The following HIPK2 variants were observed in gnomAD, a reference collection of about 807,000 sequenced individuals.
HIPK2 encodes homeodomain-interacting protein kinase 2.
A neutral mutation model predicts 113.7 loss-of-function variants in HIPK2; 27 were observed. The ratio of observed to expected loss-of-function variants is 0.24; its 90% CI spans 0.17 to 0.33. HIPK2 has a LOEUF of 0.33. Among genes scored for constraint, HIPK2 ranks in the 10% least tolerant of loss-of-function variants. The pLI, the probability that HIPK2 is intolerant of heterozygous loss-of-function variation, is 1.00. For missense variants in HIPK2, 1,257 were observed against 1,588.0 expected, an observed-to-expected ratio of 0.79 and a Z score of 3.54; for synonymous variants, 631 against 642.2, an observed-to-expected ratio of 0.98 and a Z score of 0.26.
chr7:139,747,630 T>G (rs1796211333), intron 1 of HIPK2, among the ~76,000 whole-genome samples: 1 of 152,228 alleles, frequency 6.6e-6, no homozygotes, highest in Non-Finnish European at 1.5e-5. Flanking sequence ...ACTTCACTTT[T>G]ACTCCCACCT....
rs1798327190 is a variant in HIPK2, at chr7:139,572,763, TGC to T, written c.*162_*163del. 2.4e-5 allele frequency: 1 copy of T among 42,148 alleles called. No homozygotes were observed. The highest frequency in any genetic ancestry group is 3.6e-4 in the African/African-American group (1 of 2,796). 2.6% of individuals were successfully genotyped at this position (42,148 alleles called of 1,614,324 possible). ...TGTCCCGACCCGTCCCCCTGCCCTC[TGC>T]CCCCCCCCCCCCCCCCGCCCCTGCC... On this transcript the variant is annotated 3_prime_UTR_variant, in exon 15 of 15. Transcript: ENST00000406875.
chr7:139,638,815 G>A (rs1283308868), intron 2 of HIPK2, among the ~76,000 whole-genome samples: 1 of 151,896 alleles, frequency 6.6e-6, no homozygotes, highest in Admixed American at 6.6e-5. Context: ...CCACCACCAT[G>A]CCCGGCTAAT....
Position 139,613,143 on chromosome 7 carries a change from G to A in HIPK2, c.2112+59C>T. The A allele has an allele frequency of 6.3e-7, 1 of 1,597,252 alleles. No individual in the cohort carries two copies. Among genetic ancestry groups the A allele is most frequent in the Non-Finnish European group, 8.6e-7 (1 of 1,169,368 alleles). ...GAGGGAGTGGAGATATATATCTTTT[G>A]TGAACAACATTAACACAGGTAATGG... On this transcript the variant is annotated intron_variant, in intron 9 of 14. Transcript: ENST00000406875. This position sits in a 1 kb window ranked among gnomAD's most constrained non-coding sequence, Gnocchi z 4.2.
intron 7 of HIPK2, among the ~76,000 whole-genome samples, chr7:139,619,787 G>A (rs193188239): frequency 6.6e-6 from 1 of 151,946 alleles, no homozygotes; most frequent in Non-Finnish European, 1.5e-5. Flanking sequence ...TTGAGACGGG[G>A]TCTCACTCTG....
At chr7:139,660,250 T>C (rs1444930901) in intron 2 of HIPK2, among the ~76,000 whole-genome samples, 1 of 152,194 alleles carries the variant, frequency 6.6e-6, no homozygotes, top group Non-Finnish European at 1.5e-5. Context: ...GGGTTTCAAA[T>C]AGAACACAGT....
chr7:139,713,034 C>T (rs1477328389), intron 2 of HIPK2, among the ~76,000 whole-genome samples: 4 of 152,130 alleles, frequency 2.6e-5, no homozygotes, highest in African/African-American at 7.2e-5. Context: ...GAGAAAGAGG[C>T]CTTCTTGCTC....
At chr7:139,682,494 G>A (rs769891668) in intron 2 of HIPK2, among the ~76,000 whole-genome samples, 4 of 152,122 alleles carry the variant, frequency 2.6e-5, no homozygotes, top group Admixed American at 1.3e-4. Flanking sequence ...CACCTCTTAC[G>A]GGAAGCTTTC....
intron 9 of HIPK2, among the ~76,000 whole-genome samples, chr7:139,608,252 CGT>C (rs55989071): frequency 0.04 from 5,531 of 136,920 alleles, 153 homozygotes; most frequent in African/African-American, 0.087. Flanking sequence ...CAAAAAAATA[CGT>C]GTGTGTGTGT....
chr7:139,671,395 C>T (rs1380849031), intron 2 of HIPK2, among the ~76,000 whole-genome samples: 1 of 152,160 alleles, frequency 6.6e-6, no homozygotes, highest in Non-Finnish European at 1.5e-5. Flanking sequence ...TCTAGCGTGA[C>T]ATTTTTTCTA....
intron 2 of HIPK2, among the ~76,000 whole-genome samples, chr7:139,712,081 G>C (rs1325404202): frequency 2.6e-5 from 4 of 152,206 alleles, no homozygotes; most frequent in Admixed American, 6.5e-5. Context: ...CCTGTGCACA[G>C]TAAAGCCTGA....
Position 139,561,817 on chromosome 7 carries a change from A to ATAT in HIPK2, c.*11107_*11109dup, listed in dbSNP as rs1338502601. On this transcript the variant is annotated 3_prime_UTR_variant, in exon 15 of 15. Transcript: ENST00000406875. Reference sequence around the variant, plus strand: ...ACAATTAAAATAACTATATTCTTCTATATTTTTTCTGTTAAAATCATCTCA... The same window carrying ATAT: ...ACAATTAAAATAACTATATTCTTCTATATTATTTTTTCTGTTAAAATCATCTCA... 1 of 150,004 alleles carries ATAT rather than the reference A, an allele frequency of 6.7e-6. No homozygotes were observed. Among genetic ancestry groups the ATAT allele is most frequent in the Non-Finnish European group, 1.5e-5 (1 of 67,602 alleles). The allele number at this position is 150,004 out of a possible 1,614,324, so 9.3% of individuals were successfully genotyped here.
At chr7:139,726,309 A>G (rs543480161) in intron 1 of HIPK2, among the ~76,000 whole-genome samples, 10 of 152,244 alleles carry the variant, frequency 6.6e-5, no homozygotes, top group African/African-American at 2.2e-4. Flanking sequence ...GGACTAAGGA[A>G]CTGCCTGAGA....
intron 13 of HIPK2, among the ~76,000 whole-genome samples, chr7:139,581,747 A>G (rs1250330514): frequency 5.3e-5 from 8 of 152,172 alleles, no homozygotes. Context: ...TTCTACAGCT[A>G]AAGGTGTGTA....
chr7:139,572,449 A>C lies in HIPK2; in HGVS notation c.*478T>G, dbSNP rs532229669. On this transcript the variant is annotated 3_prime_UTR_variant, in exon 15 of 15. Transcript: ENST00000406875. ...TTCCATATCAGGTGTCCCTGACAGC[A>C]GTCTTCCGTATCACTTGCTGCCATA... The C allele has an allele frequency of 6.5e-6, 1 of 153,532 alleles. No homozygotes were observed. The highest frequency in any genetic ancestry group is 2.1e-4 in the South Asian group (1 of 4,840). The allele number at this position is 153,532 out of a possible 1,614,324, so 9.5% of individuals were successfully genotyped here.
At chr7:139,589,157 T>G (rs1798934506) in intron 12 of HIPK2, among the ~76,000 whole-genome samples, 1 of 152,200 alleles carries the variant, frequency 6.6e-6, no homozygotes, top group African/African-American at 2.4e-5. Flanking sequence ...CTGGATAACC[T>G]GTAACATCCA....
chr7:139,683,447 A>G lies in HIPK2; in HGVS notation c.1103+32485T>C, dbSNP rs1421884732. The stretch of plus-strand genomic sequence containing the variant: ...GGTCTGTGAGCCTCAGCTCCTCCCT[A>G]CGGGGGCCTCCACAGGACTGCTCAC... On this transcript the variant is annotated intron_variant, in intron 2 of 14. Coordinates refer to ENST00000406875, the MANE Select transcript of HIPK2 (RefSeq NM_022740.5). The surrounding 1 kb of genome is among the most constrained non-coding windows in gnomAD (Gnocchi z 4.2). Among the ~76,000 whole-genome samples, 3 of 152,134 alleles carry G rather than the reference A, an allele frequency of 2.0e-5. No homozygotes were observed. The highest frequency in any genetic ancestry group is 4.8e-5 in the African/African-American group (2 of 41,436).
intron 1 of HIPK2, among the ~76,000 whole-genome samples, chr7:139,763,615 A>G (rs1796506673): frequency 6.6e-6 from 1 of 152,120 alleles, no homozygotes; most frequent in South Asian, 2.1e-4. Context: ...CTTTACAGAA[A>G]AAGTTTGCCA....
At chr7:139,755,278 C>G (rs1006882692) in intron 1 of HIPK2, among the ~76,000 whole-genome samples, 2 of 152,106 alleles carry the variant, frequency 1.3e-5, no homozygotes, top group African/African-American at 4.8e-5. Flanking sequence ...GCCATCAGAC[C>G]GACATACCAC....
chr7:139,601,522 A>G (rs1799424753), intron 10 of HIPK2, among the ~76,000 whole-genome samples: 2 of 152,348 alleles, frequency 1.3e-5, no homozygotes, highest in South Asian at 4.1e-4. Flanking sequence ...CAGCTGATCA[A>G]TTAATTACAC....
Sources: allele counts gnomAD v4.1 joint callset (sites outside exome capture counted in the v4.1 genomes callset), GRCh38; gene constraint gnomAD v4.1.1; non-coding constraint Gnocchi (gnomAD v3.1); transcripts MANE v1.5; gene names NCBI Gene and HGNC (gene_info 2026-07-23, HGNC 2026-07-21).